The following SLC22A23 variants were observed in gnomAD, a reference collection of about 807,000 sequenced individuals.
SLC22A23 encodes ion transporter protein.
In SLC22A23, 26 loss-of-function variants were observed where a neutral mutation model predicts 61.0. The ratio of observed to expected loss-of-function variants is 0.43; its 90% confidence interval spans 0.31 to 0.59. The LOEUF is 0.59. Among genes scored for constraint, SLC22A23 ranks in the 20% least tolerant of loss-of-function variants. The pLI is 0.11. For missense variants in SLC22A23, 796 were observed against 934.7 expected (o/e 0.85, Z 1.94); for synonymous variants, 430 against 413.9 (o/e 1.04, Z -0.47).
chr6:3,417,860 C>G (rs1430555228), intron 1 of SLC22A23, among the ~76,000 whole-genome samples: 2 of 152,208 alleles, frequency 1.3e-5, no homozygotes, highest in Non-Finnish European at 1.5e-5. Flanking sequence ...AATGCAGGGT[C>G]GTACAGCTAG....
Position 3,415,789 on chromosome 6 carries a change from T to C in SLC22A23, c.721A>G (p.Ile241Val). ...CATCCAGTTATTAGGTAGCCAAAGA[T>C]TAATCCAACCAGTAAGGAGAACTTA... ...IAKFSLLVGL[I>V]FGYLITGCIA... Residue 241 changes from isoleucine to valine, a missense_variant, in exon 2 of 10, where the codon ATC (isoleucine) becomes GTC (valine). Physicochemically the swap from Ile to Val is conservative, Grantham distance 29. Transcript: ENST00000406686. 6.4e-7 allele frequency: 1 copy of C among 1,551,928 alleles called. No homozygotes were observed. The highest frequency in any genetic ancestry group is 8.7e-7 in the Non-Finnish European group (1 of 1,147,010).
At chr6:3,315,857 C>A (rs567050291) in intron 4 of SLC22A23, among the ~76,000 whole-genome samples, 69 of 145,100 alleles carry the variant, frequency 4.8e-4, no homozygotes, top group African/African-American at 1.7e-3. Context: ...GAGTGAGAAT[C>A]CGTCTCAAAA....
chr6:3,410,469 C>T lies in SLC22A23; in HGVS notation c.759-127G>A. 1 of 915,984 alleles carries T rather than the reference C, an allele frequency of 1.1e-6. No homozygotes were observed. The highest frequency in any genetic ancestry group is 1.6e-6 in the Non-Finnish European group (1 of 631,990). 56.7% of individuals were successfully genotyped at this position (915,984 alleles called of 1,614,324 possible). A position where few individuals can be genotyped will look rare whatever the true frequency, so the allele number is the denominator to read the frequency against. ...GAGTACTGGGTAAAAAGTCCTGTGCCATCTATACCCACTTCACTAGATCCT... is the reference window on the plus strand; with the variant it reads ...GAGTACTGGGTAAAAAGTCCTGTGCTATCTATACCCACTTCACTAGATCCT... On this transcript the variant is annotated intron_variant, in intron 2 of 9. Coordinates refer to ENST00000406686, the MANE Select transcript of SLC22A23 (RefSeq NM_015482.2). The surrounding 1 kb of genome is among the most constrained non-coding windows in gnomAD (Gnocchi z 5.0).
At chr6:3,364,792 A>G (rs1427006768) in intron 3 of SLC22A23, among the ~76,000 whole-genome samples, 3 of 152,288 alleles carry the variant, frequency 2.0e-5, no homozygotes, top group African/African-American at 7.2e-5. Context: ...GCAGGTTAAG[A>G]CTTGGAATCT....
intron 3 of SLC22A23, among the ~76,000 whole-genome samples, chr6:3,358,311 T>C (rs1765235859): frequency 6.6e-6 from 1 of 151,906 alleles, no homozygotes; most frequent in African/African-American, 2.4e-5. Flanking sequence ...ACAGCCAAGA[T>C]ATGGAAACAA....
rs2127401162 is a variant in SLC22A23, at chr6:3,324,763, A to G, written c.914-761T>C. On this transcript the variant is annotated intron_variant, in intron 3 of 9. Coordinates refer to ENST00000406686, the MANE Select transcript of SLC22A23 (RefSeq NM_015482.2). This position sits in a 1 kb window ranked among gnomAD's most constrained non-coding sequence, Gnocchi z 4.3. ...CCACCCCCGGGCAAGGCCCATGTCT[A>G]ATTCATCTTTGTAGCTCCAAAACCA... 6.6e-6 allele frequency among the ~76,000 whole-genome samples: 1 copy of G among 152,342 alleles called. No individual in the cohort carries two copies. Among genetic ancestry groups the G allele is most frequent in the South Asian group, 2.1e-4 (1 of 4,822 alleles).
At chr6:3,402,258 C>G (rs902189975) in intron 3 of SLC22A23, among the ~76,000 whole-genome samples, 5 of 152,222 alleles carry the variant, frequency 3.3e-5, no homozygotes, top group African/African-American at 9.7e-5. Flanking sequence ...CCTGCTCACA[C>G]TGCAGCCTGA....
intron 3 of SLC22A23, among the ~76,000 whole-genome samples, chr6:3,403,607 G>A (rs1768586504): frequency 6.6e-6 from 1 of 152,278 alleles, no homozygotes; most frequent in South Asian, 2.1e-4. Context: ...AAGGATGGAA[G>A]TCCAACAACA....
intron 3 of SLC22A23, among the ~76,000 whole-genome samples, chr6:3,363,100 C>T (rs530204627): frequency 6.4e-4 from 98 of 152,316 alleles, no homozygotes; most frequent in African/African-American, 2.3e-3. Context: ...GGGCTCTCCG[C>T]TCAGCTGGGA....
chr6:3,359,763 G>T (rs988302246), intron 3 of SLC22A23, among the ~76,000 whole-genome samples: 1 of 152,188 alleles, frequency 6.6e-6, no homozygotes, highest in Admixed American at 6.5e-5. Context: ...GTTCACGGCA[G>T]CATATTCACA....
intron 3 of SLC22A23, among the ~76,000 whole-genome samples, chr6:3,385,357 AC>A (rs981331839): frequency 4.6e-5 from 7 of 152,122 alleles, no homozygotes; most frequent in African/African-American, 1.7e-4. Flanking sequence ...TACTAAAAAT[AC>A]AAAAAAAATT....
Position 3,285,131 on chromosome 6 carries a change from C to T in SLC22A23, c.1547-20G>A, listed in dbSNP as rs752357584. On this transcript the variant is annotated intron_variant, in intron 7 of 9. Coordinates refer to ENST00000406686, the MANE Select transcript of SLC22A23 (RefSeq NM_015482.2). ...CAATCACTGGACCCGCAGACATGAT[C>T]GCACCCACACGGACAAGGGCCAAGC... The T allele has an allele frequency of 1.4e-5, 22 of 1,612,900 alleles. No homozygotes were observed. Among genetic ancestry groups the T allele is most frequent in the African/African-American group, 1.2e-4 (9 of 74,894 alleles).
chr6:3,294,589 T>C (rs946158194), intron 5 of SLC22A23, among the ~76,000 whole-genome samples: 3 of 152,182 alleles, frequency 2.0e-5, no homozygotes, highest in African/African-American at 7.2e-5. Context: ...GTCTCGTTTT[T>C]GCATTAGGCT....
At position 3,402,549 on chromosome 6, in the gene SLC22A23, C is replaced by T. The variant is rs185376525; in HGVS notation, c.913+7639G>A. On this transcript the variant is annotated intron_variant, in intron 3 of 9. Transcript: ENST00000406686. ...TACACAGAGTGCACTAGGCTGCAGC[C>T]CACTCCAATCATCCACACTACCCAG... Among the ~76,000 whole-genome samples, 134 of 53,004 alleles carry T rather than the reference C, an allele frequency of 2.5e-3. 1 individual carries two copies. Among genetic ancestry groups the T allele is most frequent in the Non-Finnish European group, 3.7e-3 (104 of 27,870 alleles). 34.8% of individuals were successfully genotyped at this position (53,004 alleles called of 152,430 possible). A position where few individuals can be genotyped will look rare whatever the true frequency, so the allele number is the denominator to read the frequency against.
At position 3,319,493 on chromosome 6, in the gene SLC22A23, C is replaced by T. The variant is rs114669171; in HGVS notation, c.1082+4341G>A. ...TGTGTGGGTTCTTCAGGCTCCCACC[C>T]GCCTCTGCCCCACAATGTGCTTTCA... On this transcript the variant is annotated intron_variant, in intron 4 of 9. Coordinates refer to ENST00000406686, the MANE Select transcript of SLC22A23 (RefSeq NM_015482.2). 9.7e-3 allele frequency among the ~76,000 whole-genome samples: 1,481 copies of T among 152,184 alleles called. 21 individuals are homozygous for T. Among genetic ancestry groups the T allele is most frequent in the African/African-American group, 0.029 (1,216 of 41,500 alleles).
intron 1 of SLC22A23, among the ~76,000 whole-genome samples, chr6:3,437,605 C>T (rs908561980): frequency 2.0e-5 from 3 of 151,536 alleles, no homozygotes; most frequent in South Asian, 2.1e-4. Context: ...AGGAGAATGG[C>T]GTGAACCCAG....
chr6:3,434,856 G>C (rs1033555696), intron 1 of SLC22A23, among the ~76,000 whole-genome samples: 1 of 152,166 alleles, frequency 6.6e-6, no homozygotes, highest in African/African-American at 2.4e-5. Flanking sequence ...TCTAGGCCAA[G>C]AACTCAGAAA....
At chr6:3,278,401 T>C (rs531880646) in intron 9 of SLC22A23, among the ~76,000 whole-genome samples, 97 of 152,286 alleles carry the variant, frequency 6.4e-4, no homozygotes, top group Non-Finnish European at 1.3e-3. Context: ...ATTTGGGGGA[T>C]GTCTCCCAGA....
rs1425982194 is a variant in SLC22A23 at position 3,427,306 on chromosome 6, G to A, written c.655-11451C>T. 2.6e-5 allele frequency among the ~76,000 whole-genome samples: 4 copies of A among 152,106 alleles called. No homozygotes were observed. The highest frequency in any genetic ancestry group is 6.5e-5 in the Admixed American group (1 of 15,276). On this transcript the variant is annotated intron_variant, in intron 1 of 9. Transcript: ENST00000406686. This position sits in a 1 kb window ranked among gnomAD's most constrained non-coding sequence, Gnocchi z 4.3. Reference sequence around the variant, plus strand: ...TTGTCTGTCAGTTAAGCAGGTCCTCGGGGGCTTATGTCTGTTGGTAAGTAA... The same window carrying A: ...TTGTCTGTCAGTTAAGCAGGTCCTCAGGGGCTTATGTCTGTTGGTAAGTAA...
Sources: gnomAD v4.1 joint callset for allele counts (sites outside exome capture counted in the v4.1 genomes callset) on GRCh38, gnomAD v4.1.1 for gene constraint, Gnocchi (gnomAD v3.1) non-coding constraint, MANE v1.5 for transcripts, NCBI Gene and HGNC (gene_info 2026-07-23, HGNC 2026-07-21) for gene names.